Variants in CPT1A observed in about 807,000 individuals in gnomAD.
The protein encoded by CPT1A is carnitine O-palmitoyltransferase 1, liver isoform.
CPT1A carries 64 observed loss-of-function variants against 100.8 expected under a neutral mutation model. The observed-to-expected ratio is 0.63, with a 90% CI of 0.52 to 0.78. The LOEUF is 0.78. Among genes scored for constraint, CPT1A ranks in the 30% least tolerant of loss-of-function variants. The pLI, the probability that CPT1A is intolerant of heterozygous loss-of-function variation, is 0.00. For missense variants in CPT1A, 802 were observed against 1,034.1 expected, an observed-to-expected ratio of 0.78 and a Z score of 3.08; for synonymous variants, 363 against 396.0, an observed-to-expected ratio of 0.92 and a Z score of 0.99.
upstream of CPT1A, among the ~76,000 whole-genome samples, chr11:68,842,840 GC>G (rs1287215297): frequency 2.6e-5 from 4 of 152,118 alleles, no homozygotes; most frequent in East Asian, 7.7e-4. Context: ...TAACAGGAGG[GC>G]CAAGGGGGTC....
At chr11:68,805,422 G>A (rs1856014829) in intron 4 of CPT1A, among the ~76,000 whole-genome samples, 1 of 151,692 alleles carries the variant, frequency 6.6e-6, no homozygotes, top group Non-Finnish European at 1.5e-5. Flanking sequence ...CTGCACTCCA[G>A]CCTGGGTGAC....
rs117090541 is a variant in CPT1A at position 68,764,532 on chromosome 11, G to A, written c.1741-1771C>T. ...AGGACCCACTCAGCTGGGGAACGGG[G>A]AGCCGGACAGAGCACAGGACCCACT... On this transcript the variant is annotated intron_variant, in intron 14 of 18. Coordinates refer to ENST00000265641, the MANE Select transcript of CPT1A (RefSeq NM_001876.4). Among the ~76,000 whole-genome samples the A allele has an allele frequency of 8.6e-3, 1,313 of 151,942 alleles. 9 individuals carry two copies. The highest frequency in any genetic ancestry group is 0.012 in the Non-Finnish European group (823 of 67,942).
intron 1 of CPT1A, among the ~76,000 whole-genome samples, chr11:68,822,186 T>C (rs1366843149): frequency 6.6e-6 from 1 of 151,814 alleles, no homozygotes; most frequent in African/African-American, 2.4e-5. Flanking sequence ...CAGACCAGCC[T>C]GCGCAACATG....
At chr11:68,797,386 A>G (rs1269679972) in intron 6 of CPT1A, among the ~76,000 whole-genome samples, 1 of 152,310 alleles carries the variant, frequency 6.6e-6, no homozygotes, top group Middle Eastern at 3.4e-3. Context: ...AACCAAAACT[A>G]TGGGCTGGCC....
intron 14 of CPT1A, among the ~76,000 whole-genome samples, chr11:68,768,230 C>T (rs1270139839): frequency 2.0e-5 from 3 of 150,420 alleles, no homozygotes; most frequent in African/African-American, 7.4e-5. Flanking sequence ...CGCCCGCCAC[C>T]GCGCCCGGCT....
rs2924671 is a variant in CPT1A, at chr11:68,765,137, A to C, written c.1741-2376T>G. ...TACAGAGCACTTCATAGGCGCTCAC[A>C]ATGAAGAAGTGGGGAGAGGGAGAGA... On this transcript the variant is annotated intron_variant, in intron 14 of 18. Transcript: ENST00000265641. Among the ~76,000 whole-genome samples the C allele has an allele frequency of 7.5e-3, 1,150 of 152,346 alleles. 12 individuals carry two copies. Among genetic ancestry groups the C allele is most frequent in the African/African-American group, 0.026 (1,090 of 41,570 alleles).
At chr11:68,762,463 C>A (rs895851319) in intron 15 of CPT1A, among the ~76,000 whole-genome samples, 164 bp downstream of exon 15, 4 of 152,206 alleles carry the variant, frequency 2.6e-5, no homozygotes, top group African/African-American at 9.6e-5. Flanking sequence ...TATTTTAATA[C>A]CTTCTGTACC....
At chr11:68,841,988 TC>T (rs1435450292), upstream of CPT1A, 1 of 984,526 alleles carries the variant, frequency 1.0e-6, no homozygotes, top group African/African-American at 1.8e-5. This position sits in a 1 kb window ranked among gnomAD's most constrained non-coding sequence, Gnocchi z 6.3. Flanking sequence ...GCCCGGGGCC[TC>T]GGCGGGGCGG....
intron 6 of CPT1A, among the ~76,000 whole-genome samples, chr11:68,797,524 T>C (rs1304761709): frequency 2.0e-5 from 3 of 152,006 alleles, no homozygotes; most frequent in Non-Finnish European, 4.4e-5. Context: ...TTTTAAGAAA[T>C]TAGCCAGGTG....
chr11:68,773,684 TG>T, intron 13 of CPT1A: 1 of 482,106 alleles, frequency 2.1e-6, no homozygotes, highest in South Asian at 2.1e-5. Context: ...CGACACACAC[TG>T]GGAATATCAC....
intron 18 of CPT1A, 92 bp from the exon 19 acceptor site, chr11:68,757,822 A>G: frequency 9.3e-7 from 1 of 1,076,932 alleles, no homozygotes; most frequent in South Asian, 1.3e-5. Context: ...CCAATGTTTC[A>G]TTGAAATTCC....
chr11:68,784,737 C>T, intron 10 of CPT1A, 78 bp downstream of exon 10: 1 of 1,395,154 alleles, frequency 7.2e-7, no homozygotes, highest in Non-Finnish European at 1.0e-6. Context: ...TCCCACAGGC[C>T]CTGGTGGGGA....
intron 18 of CPT1A, among the ~76,000 whole-genome samples, chr11:68,759,210 A>G (rs1278291677): frequency 1.3e-5 from 2 of 151,874 alleles, no homozygotes; most frequent in East Asian, 1.9e-4. Context: ...CCTGCCCAAC[A>G]TGGTGAAACC....
intron 2 of CPT1A, among the ~76,000 whole-genome samples, chr11:68,813,935 T>G (rs1265808474): frequency 2.0e-5 from 3 of 152,162 alleles, no homozygotes; most frequent in Admixed American, 2.0e-4. Context: ...GCAGCTGTAC[T>G]GGCTCCCAGG....
intron 1 of CPT1A, among the ~76,000 whole-genome samples, chr11:68,830,938 C>T (rs1260508347): frequency 2.6e-5 from 4 of 152,156 alleles, no homozygotes; most frequent in Non-Finnish European, 4.4e-5. Context: ...TTGTGTCATC[C>T]GAATTGAATC....
intron 1 of CPT1A, among the ~76,000 whole-genome samples, chr11:68,826,309 G>T (rs868351701): frequency 2.0e-5 from 3 of 152,128 alleles, no homozygotes. Flanking sequence ...AGCCGGATCT[G>T]GTGGTGCACG....
chr11:68,839,713 A>G, intron 1 of CPT1A: 1 of 985,474 alleles, frequency 1.0e-6, no homozygotes, highest in Non-Finnish European at 1.2e-6. Flanking sequence ...AGCCTCAGTG[A>G]AAACTGACGG....
At chr11:68,782,840 C>T (rs185785990) in intron 10 of CPT1A, among the ~76,000 whole-genome samples, 157 of 152,310 alleles carry the variant, frequency 1.0e-3, no homozygotes, top group East Asian at 6.6e-3. Flanking sequence ...GTGACGCTGA[C>T]GGTGGCCGGC....
In CPT1A at chr11:68,780,664, C is replaced by T. The variant is rs572938737; in HGVS notation, c.1434G>A (p.Ala478=). 12 of 1,614,148 alleles carry T rather than the reference C, an allele frequency of 7.4e-6. No homozygotes were observed. The highest frequency in any genetic ancestry group is 2.2e-5 in the East Asian group (1 of 44,888). ...CCTCCCAAAGGTGGGCCACGATCGG[C>T]GCATCTGCCCAGGAGTGTTCAGCGT... ...GLNAEHSWAD[A]PIVAHLWEYV... Residue 478 remains alanine (A), a synonymous_variant, in exon 12 of 19, where the codon GCG becomes GCA. Coordinates refer to ENST00000265641, the MANE Select transcript of CPT1A (RefSeq NM_001876.4).
Sources: allele counts gnomAD v4.1 joint callset (sites outside exome capture counted in the v4.1 genomes callset), GRCh38; gene constraint gnomAD v4.1.1; non-coding constraint Gnocchi (gnomAD v3.1); transcripts MANE v1.5; gene names NCBI Gene and HGNC (gene_info 2026-07-23, HGNC 2026-07-21).